The following MED26 variants were observed in gnomAD, a reference collection of about 807,000 sequenced individuals.
MED26 encodes the protein mediator of RNA polymerase II transcription subunit 26.
In MED26, 7 loss-of-function variants were observed where a neutral mutation model predicts 43.7. That is an observed-to-expected ratio of 0.16 (90% CI 0.09 to 0.30). The LOEUF (loss-of-function observed/expected upper bound fraction) is 0.30, where lower values mean the gene tolerates loss of function less well. Among genes scored for constraint, MED26 ranks in the 10% least tolerant of loss-of-function variants. The probability of loss-of-function intolerance (pLI) is 1.00; values close to 1 mark genes in which losing one functional copy is unlikely to be tolerated. For missense variants in MED26, 784 were observed against 840.6 expected (o/e 0.93, Z 0.83); for synonymous variants, 375 against 371.1 (o/e 1.01, Z -0.12).
At chr19:16,592,903 CCT>C (rs2086104435) in intron 1 of MED26, among the ~76,000 whole-genome samples, 1 of 152,222 alleles carries the variant, frequency 6.6e-6, no homozygotes, top group African/African-American at 2.4e-5. Context: ...ATCACTCAAC[CCT>C]CTGTTTTAAA....
chr19:16,602,256 A>G (rs908354260), intron 1 of MED26, among the ~76,000 whole-genome samples: 1 of 152,242 alleles, frequency 6.6e-6, no homozygotes, highest in Non-Finnish European at 1.5e-5. Flanking sequence ...TTCTCCTCAA[A>G]GACACAGAAA....
In MED26 at chr19:16,614,376, A is replaced by C. The variant is rs139317992; in HGVS notation, c.72+13496T>G. Among the ~76,000 whole-genome samples, 961 of 152,166 alleles carry C rather than the reference A, an allele frequency of 6.3e-3. 11 individuals carry two copies. Among genetic ancestry groups the C allele is most frequent in the African/African-American group, 0.022 (920 of 41,528 alleles). ...AACCCCAACTCTACAAAAATTACAA[A>C]AAATTAGCTGGGTGTGGTAGCGTGT... On this transcript the variant is annotated intron_variant, in intron 1 of 2. Transcript: ENST00000263390.
At chr19:16,607,469 T>C (rs1908847822) in intron 1 of MED26, among the ~76,000 whole-genome samples, 1 of 151,350 alleles carries the variant, frequency 6.6e-6, no homozygotes, top group African/African-American at 2.4e-5. Context: ...CTCACACTCA[T>C]GTTGGGGAAG....
At chr19:16,582,235 T>TG (rs1003203050) in intron 1 of MED26, among the ~76,000 whole-genome samples, 2 of 152,230 alleles carry the variant, frequency 1.3e-5, no homozygotes, top group African/African-American at 4.8e-5. Flanking sequence ...TGCCCTGCCC[T>TG]GCGACCTCTG....
chr19:16,584,465 G>A, intron 1 of MED26, among the ~76,000 whole-genome samples: 1 of 152,194 alleles, frequency 6.6e-6, no homozygotes, highest in Non-Finnish European at 1.5e-5. Flanking sequence ...TGTGAGGAAG[G>A]AGGCGGGGCT....
chr19:16,599,533 T>G (rs1377513683), intron 1 of MED26, among the ~76,000 whole-genome samples: 1 of 152,130 alleles, frequency 6.6e-6, no homozygotes, highest in Non-Finnish European at 1.5e-5. Flanking sequence ...AATACTAGCT[T>G]TTGTCACCCA....
At chr19:16,596,817 G>T (rs1292489372) in intron 1 of MED26, among the ~76,000 whole-genome samples, 11 of 152,202 alleles carry the variant, frequency 7.2e-5, no homozygotes, top group African/African-American at 2.7e-4. Context: ...CCCTGGACGG[G>T]GTTCCACAGC....
intron 1 of MED26, among the ~76,000 whole-genome samples, chr19:16,581,303 C>T (rs913641934): frequency 2.0e-5 from 3 of 152,184 alleles, no homozygotes; most frequent in African/African-American, 4.8e-5. Context: ...AGATACAGTC[C>T]TGTCCGCACT....
intron 1 of MED26, among the ~76,000 whole-genome samples, chr19:16,607,593 T>C (rs2086179752): frequency 6.6e-6 from 1 of 152,200 alleles, no homozygotes; most frequent in Admixed American, 6.5e-5. Context: ...AGGTGGTCAC[T>C]TCAACCCCGG....
At chr19:16,600,873 C>T (rs2086145319) in intron 1 of MED26, among the ~76,000 whole-genome samples, 1 of 152,160 alleles carries the variant, frequency 6.6e-6, no homozygotes, top group Non-Finnish European at 1.5e-5. Context: ...GCGGGTGGAT[C>T]ACTTGGGGCC....
At chr19:16,585,591 C>T (rs1306869987) in intron 1 of MED26, among the ~76,000 whole-genome samples, 1 of 152,232 alleles carries the variant, frequency 6.6e-6, no homozygotes, top group African/African-American at 2.4e-5. Context: ...CTGGGCACAG[C>T]TGAGCCACAG....
At chr19:16,613,012 G>A (rs2086206578) in intron 1 of MED26, among the ~76,000 whole-genome samples, 1 of 152,090 alleles carries the variant, frequency 6.6e-6, no homozygotes, top group Non-Finnish European at 1.5e-5. Flanking sequence ...AAGTCGAGAA[G>A]GGGCTTATAC....
chr19:16,578,021 G>A (rs914272685), intron 2 of MED26: 30 of 495,826 alleles, frequency 6.1e-5, no homozygotes, highest in Non-Finnish European at 9.6e-5. Flanking sequence ...CGAGGCGACA[G>A]CACAGAGGGT....
rs369916299 is a variant in MED26 at position 16,625,759 on chromosome 19, C to T, written c.72+2113G>A. 5.4e-4 allele frequency among the ~76,000 whole-genome samples: 82 copies of T among 152,264 alleles called. 1 individual carries two copies. Among genetic ancestry groups the T allele is most frequent in the African/African-American group, 1.8e-3 (76 of 41,552 alleles). On this transcript the variant is annotated intron_variant, in intron 1 of 2. Transcript: ENST00000263390. ...CACCTCCGCCAGCAATCCTGTCCAC[C>T]GCGGCTCTGTGTTTCTGCATGGTGT...
At chr19:16,608,138 A>T (rs1013233964) in intron 1 of MED26, among the ~76,000 whole-genome samples, 1 of 152,230 alleles carries the variant, frequency 6.6e-6, no homozygotes, top group African/African-American at 2.4e-5. Context: ...TCAGCATCCA[A>T]GCCAGGTAAG....
Position 16,576,905 on chromosome 19 carries a change from C to G in MED26, c.925G>C (p.Ala309Pro). 6.2e-7 allele frequency: 1 copy of G among 1,602,364 alleles called. No homozygotes were observed. Among genetic ancestry groups the G allele is most frequent in the East Asian group, 2.2e-5 (1 of 44,710 alleles). The change falls in exon 3 of 3, where the codon GCC (alanine) becomes CCC (proline). Residue 309 changes from alanine (A) to proline (P), a missense_variant. Ala to Pro is a conservative substitution (Grantham distance 27). Transcript: ENST00000263390. The surrounding 1 kb of genome is among the most constrained non-coding windows in gnomAD (Gnocchi z 6.8). The stretch of plus-strand genomic sequence containing the variant: ...GGAAGCGGTGACGGCACCTGTGTGG[C>G]ATCGAGTGCCTGGGGCCGCGGTGAG... ...SPSPRPQALDATQVPSPLPLA... is the reference protein window; with the variant it reads ...SPSPRPQALDPTQVPSPLPLA...
Position 16,577,452 on chromosome 19 carries a change from G to C in MED26, c.378C>G (p.Asp126Glu), listed in dbSNP as rs2086017079. Reference protein sequence around the residue: ...GAAGPPRSIHDLKSRNDLQRL... With the variant: ...GAAGPPRSIHELKSRNDLQRL... ...TCTGGAGGTCATTGCGGCTCTTCAG[G>C]TCATGGATGCTCCTGGGTGGGCCAG... The change falls in exon 3 of 3, where the codon GAC becomes GAG. Residue 126 changes from aspartate to glutamate, a missense_variant. Around this residue, in one of 3 missense-constraint regions of MED26, gnomAD observed 719 missense variants for 730.9 expected, o/e 0.98. Transcript: ENST00000263390. The surrounding 1 kb of genome is among the most constrained non-coding windows in gnomAD (Gnocchi z 8.1). 1.9e-6 allele frequency: 3 copies of C among 1,592,850 alleles called. No homozygotes were observed. In the East Asian group the frequency reaches 6.8e-5, roughly 36 times the overall value.
chr19:16,592,576 C>T (rs900717905), intron 1 of MED26, among the ~76,000 whole-genome samples: 1 of 152,246 alleles, frequency 6.6e-6, no homozygotes, highest in African/African-American at 2.4e-5. Flanking sequence ...AGTTCAGCAG[C>T]AGCAGGTCTC....
chr19:16,619,966 G>A (rs1193672731), intron 1 of MED26, among the ~76,000 whole-genome samples: 1 of 152,188 alleles, frequency 6.6e-6, no homozygotes, highest in Non-Finnish European at 1.5e-5. Flanking sequence ...GGGGACCCAG[G>A]CTTCACAGAT....
Sources: allele counts gnomAD v4.1 joint callset (sites outside exome capture counted in the v4.1 genomes callset), GRCh38; gene constraint gnomAD v4.1.1; regional missense constraint gnomAD v4.1.1; non-coding constraint Gnocchi (gnomAD v3.1); transcripts MANE v1.5; gene names NCBI Gene and HGNC (gene_info 2026-07-23, HGNC 2026-07-21).